TMC6: variants seen among roughly 807,000 people sequenced by gnomAD.
TMC6 encodes transmembrane channel-like protein 6.
A neutral mutation model predicts 95.4 loss-of-function variants in TMC6; 71 were observed. The observed-to-expected ratio is 0.74, with a 90% CI of 0.61 to 0.91. TMC6 has a LOEUF of 0.91. TMC6 is among the 40% of genes least tolerant of loss of function. The pLI is 0.00. For missense variants in TMC6, 1,074 were observed against 1,079.1 expected (o/e 1.00, Z 0.07); for synonymous variants, 514 against 483.1 (o/e 1.06, Z -0.84).
At chr17:78,123,751 G>A (rs1463035743) in intron 9 of TMC6, among the ~76,000 whole-genome samples, 1 of 150,534 alleles carries the variant, frequency 6.6e-6, no homozygotes, top group African/African-American at 2.5e-5. Flanking sequence ...TGGGTAAATG[G>A]GTGGGTGAAT....
upstream of TMC6, chr17:78,131,687 G>C: frequency 6.3e-7 from 1 of 1,577,196 alleles, no homozygotes; most frequent in Non-Finnish European, 8.6e-7. Flanking sequence ...GCGGCTCTGG[G>C]ACGCCCGTGC....
chr17:78,132,145 C>T (rs743048), upstream of TMC6: 1 of 1,479,162 alleles, frequency 6.8e-7, no homozygotes, highest in South Asian at 1.2e-5. Flanking sequence ...CCCGACCAAT[C>T]GGCCCCTCCC....
chr17:78,124,504 C>G lies in TMC6; in HGVS notation c.891+20G>C. On this transcript the variant is annotated intron_variant, in intron 8 of 19. Coordinates refer to ENST00000590602, the MANE Select transcript of TMC6 (RefSeq NM_001127198.5). ...CAGAAGACAGGCACCCCCCGTCCCC[C>G]AGTCCTAGGGCTTCCTCACCGCGCC... is the stretch of plus-strand genomic sequence containing the variant. 1 of 1,606,734 alleles carries G rather than the reference C, an allele frequency of 6.2e-7. No homozygotes were observed. The highest frequency in any genetic ancestry group is 8.5e-7 in the Non-Finnish European group (1 of 1,179,770).
At chr17:78,114,954 C>T (rs563192609) in intron 18 of TMC6, among the ~76,000 whole-genome samples, 1 of 152,240 alleles carries the variant, frequency 6.6e-6, no homozygotes, top group African/African-American at 2.4e-5. Context: ...ACTCTGCATT[C>T]CCCGCCCGGA....
Position 78,111,997 on chromosome 17 carries a change from A to G in TMC6, c.*1151T>C, listed in dbSNP as rs2144812889. ...GACGGGCTGGTTCCCGCAGGCCTGG[A>G]GCACAGGCTGACGGGCTGGTCCCCA... On this transcript the variant is annotated 3_prime_UTR_variant, in exon 20 of 20. Coordinates refer to ENST00000590602, the MANE Select transcript of TMC6 (RefSeq NM_001127198.5). 4.9e-6 allele frequency: 1 copy of G among 206,114 alleles called. No individual in the cohort carries two copies. Among genetic ancestry groups the G allele is most frequent in the South Asian group, 4.2e-5 (1 of 24,094 alleles). The allele number at this position is 206,114 out of a possible 1,614,324, so 12.8% of individuals were successfully genotyped here. A position where few individuals can be genotyped will look rare whatever the true frequency, so the allele number is the denominator to read the frequency against.
Position 78,125,220 on chromosome 17 carries a change from C to A in TMC6, c.474G>T (p.Val158=). ...LLVKELQSLA[V]AQRDHMLRGM... ...CGCGAAGCATGTGGTCCCGCTGTGCCACTGCCAGGCTCTGGAGCTCCTTCA... is the reference window on the plus strand; with the variant it reads ...CGCGAAGCATGTGGTCCCGCTGTGCAACTGCCAGGCTCTGGAGCTCCTTCA... Residue 158 remains valine (V), a synonymous_variant, in exon 6 of 20, where the codon GTG becomes GTT. Coordinates refer to ENST00000590602, the MANE Select transcript of TMC6 (RefSeq NM_001127198.5). The A allele has an allele frequency of 6.3e-7, 1 of 1,590,504 alleles. No individual in the cohort carries two copies.
In TMC6 at chr17:78,125,217, T is replaced by C; in HGVS notation, c.477A>G (p.Ala159=). 1 of 1,590,848 alleles carries C rather than the reference T, an allele frequency of 6.3e-7. No individual in the cohort carries two copies. Among genetic ancestry groups the C allele is most frequent in the Non-Finnish European group, 8.6e-7 (1 of 1,168,244 alleles). Residue 159 remains alanine, a synonymous_variant, in exon 6 of 20, where the codon GCA becomes GCG. Coordinates refer to ENST00000590602, the MANE Select transcript of TMC6 (RefSeq NM_001127198.5). ...LVKELQSLAV[A]QRDHMLRGMP... Reference sequence around the variant, plus strand: ...TCCCGCGAAGCATGTGGTCCCGCTGTGCCACTGCCAGGCTCTGGAGCTCCT... The same window carrying C: ...TCCCGCGAAGCATGTGGTCCCGCTGCGCCACTGCCAGGCTCTGGAGCTCCT...
chr17:78,131,527 C>CGGGG (rs1319030074), upstream of TMC6: 1 of 1,531,212 alleles, frequency 6.5e-7, no homozygotes, highest in East Asian at 2.4e-5. Flanking sequence ...CTCATCCAAC[C>CGGGG]GGGGACTCAT....
At chr17:78,127,920 C>T (rs1484988219) in intron 1 of TMC6, among the ~76,000 whole-genome samples, 1 of 152,198 alleles carries the variant, frequency 6.6e-6, no homozygotes, top group Admixed American at 6.5e-5. Flanking sequence ...GGAAAACCAG[C>T]CCAGAGCTGG....
rs764475395 is a variant in TMC6 at position 78,124,933 on chromosome 17, C to T, written c.589G>A (p.Gly197Arg). 4 of 1,601,588 alleles carry T rather than the reference C, an allele frequency of 2.5e-6. No individual in the cohort carries two copies. Among genetic ancestry groups the T allele is most frequent in the South Asian group, 2.2e-5 (2 of 89,906 alleles). Residue 197 changes from glycine to arginine, a missense_variant, in exon 7 of 20, where the codon GGG becomes AGG. Physicochemically the swap from Gly to Arg is moderately radical, Grantham distance 125. Transcript: ENST00000590602. The stretch of plus-strand genomic sequence containing the variant: ...AGCCGGCCACAGCAGGAGCAGACCC[C>T]GCCGCTGCCCGGCTGGCCCCTCCAC... ...GKWRGQPGSG[G>R]VCSCCGRLRY...
At position 78,108,618 on chromosome 17, in the gene TMC6, C is replaced by G. The variant is rs1460295231; in HGVS notation, c.*4530G>C. 1 of 154,884 alleles carries G rather than the reference C, an allele frequency of 6.5e-6. No individual in the cohort carries two copies. Among genetic ancestry groups the G allele is most frequent in the African/African-American group, 2.4e-5 (1 of 41,454 alleles). The allele number at this position is 154,884 out of a possible 1,614,324, so 9.6% of individuals were successfully genotyped here. On this transcript the variant is annotated 3_prime_UTR_variant, in exon 20 of 20. Coordinates refer to ENST00000590602, the MANE Select transcript of TMC6 (RefSeq NM_001127198.5). ...GGAGACCAGGTTGGATTTTGACAGA[C>G]TGGGAACTCGGGGGACAGGAGGGCA...
At chr17:78,127,027 C>T (rs2074754908) in intron 1 of TMC6, 121 bp from the exon 2 acceptor site, 1 of 662,874 alleles carries the variant, frequency 1.5e-6, no homozygotes, top group Non-Finnish European at 2.7e-6. Context: ...CCGCCCACCC[C>T]CCTATCACCC....
chr17:78,122,289 C>A lies in TMC6; in HGVS notation c.1227+316G>T, dbSNP rs3818149. ...CTCCTATGGCCACCAACCAAGCTAA[C>A]GCCAGCCAGGGAGCATGTGCCAGCT... On this transcript the variant is annotated intron_variant, in intron 10 of 19. Transcript: ENST00000590602. This position sits in a 1 kb window ranked among gnomAD's most constrained non-coding sequence, Gnocchi z 4.9. Among the ~76,000 whole-genome samples, 1 of 152,106 alleles carries A rather than the reference C, an allele frequency of 6.6e-6. No individual in the cohort carries two copies. Among genetic ancestry groups the A allele is most frequent in the Admixed American group, 6.5e-5 (1 of 15,278 alleles).
chr17:78,130,220 C>T (rs546631035), upstream of TMC6, among the ~76,000 whole-genome samples: 5 of 152,304 alleles, frequency 3.3e-5, no homozygotes, highest in African/African-American at 9.6e-5. Flanking sequence ...ACAACCATAA[C>T]GCCAATGACA....
upstream of TMC6, chr17:78,132,240 T>TCGGGCGGGTGGGAGC: frequency 7.1e-7 from 1 of 1,415,430 alleles, no homozygotes; most frequent in South Asian, 1.2e-5. Context: ...ACCTCCGGAC[T>TCGGGCGGGTGGGAGC]CGGGCGGGTG....
upstream of TMC6, chr17:78,131,725 A>G (rs1296523340): frequency 4.4e-6 from 7 of 1,584,630 alleles, no homozygotes; most frequent in Non-Finnish European, 6.0e-6. Context: ...ATGATGGACA[A>G]GCGCCTCATC....
chr17:78,112,829 A>C lies in TMC6; in HGVS notation c.*319T>G. ...CGCCCCCACTCCAGCTGAGGTTCCC[A>C]GGACCCAGACCTGCGCCTGGAGGTG... is the stretch of plus-strand genomic sequence containing the variant. On this transcript the variant is annotated 3_prime_UTR_variant, in exon 20 of 20. Transcript: ENST00000590602. 2.3e-6 allele frequency: 1 copy of C among 439,402 alleles called. No individual in the cohort carries two copies. Among genetic ancestry groups the C allele is most frequent in the Non-Finnish European group, 4.1e-6 (1 of 244,532 alleles). 27.2% of individuals were successfully genotyped at this position (439,402 alleles called of 1,614,324 possible).
upstream of TMC6, chr17:78,132,263 G>C (rs1303447726): frequency 6.7e-7 from 1 of 1,492,962 alleles, no homozygotes; most frequent in Admixed American, 1.8e-5. Context: ...AGCCTGGCGG[G>C]CACCCCACGC....
At chr17:78,119,871 CT>C (rs1439254048) in intron 13 of TMC6, 1 of 338,394 alleles carries the variant, frequency 3.0e-6, no homozygotes, top group Non-Finnish European at 5.6e-6. Context: ...TGGTCTCAAA[CT>C]CCTGGGCTTA....
Sources: allele counts gnomAD v4.1 joint callset (sites outside exome capture counted in the v4.1 genomes callset), GRCh38; gene constraint gnomAD v4.1.1; non-coding constraint Gnocchi (gnomAD v3.1); transcripts MANE v1.5; gene names NCBI Gene and HGNC (gene_info 2026-07-23, HGNC 2026-07-21).